The following KIF18A variants were observed in gnomAD, a reference collection of about 807,000 sequenced individuals.
KIF18A encodes the protein kinesin family member 18A.
KIF18A carries 67 observed loss-of-function variants against 103.3 expected under a neutral mutation model. The observed-to-expected ratio is 0.65, with a 90% CI of 0.53 to 0.79. KIF18A has a LOEUF of 0.79. KIF18A is among the 30% of genes least tolerant of loss of function. KIF18A has a pLI of 0.00. For missense variants in KIF18A, 1,032 were observed against 1,062.5 expected, an observed-to-expected ratio of 0.97 and a Z score of 0.40; for synonymous variants, 367 against 355.5, an observed-to-expected ratio of 1.03 and a Z score of -0.36.
rs557908726 is a variant in KIF18A, at chr11:28,090,218, C to G, written c.699+399G>C. ...CTGAATCATACTTCCTTAAGGAATG[C>G]GACTATTTACATGGTCCTTATGGTG... On this transcript the variant is annotated intron_variant, in intron 5 of 16. Coordinates refer to ENST00000263181, the MANE Select transcript of KIF18A (RefSeq NM_031217.4). 2.6e-5 allele frequency among the ~76,000 whole-genome samples: 4 copies of G among 152,204 alleles called. No individual in the cohort carries two copies. The East Asian group carries it at 7.7e-4, about 29-fold the overall frequency.
At chr11:28,033,294 G>A (rs1272839134) in intron 15 of KIF18A, among the ~76,000 whole-genome samples, 1 of 151,452 alleles carries the variant, frequency 6.6e-6, no homozygotes, top group South Asian at 2.1e-4. Context: ...ATAAAGAAAA[G>A]TTTGAAGAGT....
intron 10 of KIF18A, among the ~76,000 whole-genome samples, chr11:28,071,222 A>G (rs911450757): frequency 1.3e-5 from 2 of 152,302 alleles, no homozygotes; most frequent in East Asian, 3.9e-4. Context: ...GTCTTTTAAA[A>G]TTCTTGTTTG....
chr11:28,079,836 C>A (rs1009959229), intron 9 of KIF18A, among the ~76,000 whole-genome samples: 2 of 151,996 alleles, frequency 1.3e-5, no homozygotes, highest in African/African-American at 4.8e-5. Context: ...ACATCTTGAT[C>A]CAGTGTCTCA....
intron 10 of KIF18A, among the ~76,000 whole-genome samples, chr11:28,074,719 A>C (rs1851067212): frequency 6.6e-6 from 1 of 152,150 alleles, no homozygotes; most frequent in African/African-American, 2.4e-5. Flanking sequence ...GACATTAAGA[A>C]ATGCAAAATT....
chr11:28,101,222 G>C (rs1458202270), intron 1 of KIF18A, among the ~76,000 whole-genome samples: 1 of 152,100 alleles, frequency 6.6e-6, no homozygotes, highest in East Asian at 1.9e-4. Context: ...AAGGCCAGCA[G>C]TGTCCCATAT....
chr11:28,087,187 A>G (rs1851239529), intron 6 of KIF18A, among the ~76,000 whole-genome samples: 1 of 152,272 alleles, frequency 6.6e-6, no homozygotes, highest in Middle Eastern at 3.4e-3. Context: ...ATCAACCTGT[A>G]ATCTACATTA....
intron 13 of KIF18A, among the ~76,000 whole-genome samples, chr11:28,038,464 G>A (rs1231196117): frequency 1.3e-5 from 2 of 151,544 alleles, no homozygotes; most frequent in Admixed American, 1.3e-4. Flanking sequence ...AAACTATTAC[G>A]TGTATTTCCA....
chr11:28,026,180 A>G (rs1414683316), intron 15 of KIF18A, among the ~76,000 whole-genome samples: 1 of 151,880 alleles, frequency 6.6e-6, no homozygotes, highest in Admixed American at 6.6e-5. Context: ...AAAATCTAAT[A>G]TACTCAATTA....
At chr11:28,058,489 G>GAAAAA (rs34177202) in intron 13 of KIF18A, among the ~76,000 whole-genome samples, 3 of 54,246 alleles carry the variant, frequency 5.5e-5, no homozygotes, top group African/African-American at 1.6e-4. Context: ...GTTTCTACAG[G>GAAAAA]AAAAAAAAAA....
At chr11:28,021,345 T>C in intron 16 of KIF18A, 63 bp from the exon 17 acceptor site, 4 of 1,183,348 alleles carry the variant, frequency 3.4e-6, no homozygotes, top group Non-Finnish European at 4.3e-6. Context: ...GTTTTCATCG[T>C]TCAACTTATA....
At chr11:28,101,727 T>C (rs1851448134) in intron 1 of KIF18A, among the ~76,000 whole-genome samples, 1 of 152,148 alleles carries the variant, frequency 6.6e-6, no homozygotes, top group Admixed American at 6.5e-5. Flanking sequence ...GACACAAACA[T>C]GTAAAGGTAT....
At chr11:28,088,767 A>C in intron 5 of KIF18A, 46 bp from the exon 6 acceptor site, 1 of 1,459,298 alleles carries the variant, frequency 6.9e-7, no homozygotes, top group Non-Finnish European at 9.5e-7. Flanking sequence ...AAGATTTAAC[A>C]AAATTAAAAG....
chr11:28,102,385 T>G lies in KIF18A; in HGVS notation c.-46-4392A>C, dbSNP rs536901988. Among the ~76,000 whole-genome samples the G allele has an allele frequency of 7.2e-5, 11 of 152,268 alleles. 1 individual carries two copies. In the South Asian group the frequency reaches 2.3e-3, roughly 32 times the overall value. ...ATAGCTTGGAAGCCCCCGCTTTGAG[T>G]TGTCCCGCCTTTCTGAACCAAACCA... On this transcript the variant is annotated intron_variant, in intron 1 of 16. Coordinates refer to ENST00000263181, the MANE Select transcript of KIF18A (RefSeq NM_031217.4).
At chr11:28,066,984 A>G (rs1288634436) in intron 11 of KIF18A, among the ~76,000 whole-genome samples, 4 of 151,802 alleles carry the variant, frequency 2.6e-5, no homozygotes, top group Non-Finnish European at 4.4e-5. Flanking sequence ...TTTTGAATGT[A>G]GCACTCCACT....
At chr11:28,106,207 C>T (rs1296976290) in intron 1 of KIF18A, among the ~76,000 whole-genome samples, 1 of 152,082 alleles carries the variant, frequency 6.6e-6, no homozygotes, top group African/African-American at 2.4e-5. Context: ...AACTCCTTAA[C>T]GGGTACAAAT....
Position 28,097,671 on chromosome 11 carries a change from T to C in KIF18A, c.277A>G (p.Thr93Ala), listed in dbSNP as rs1331062044. ...TSTQSEVFEH[T>A]TKPILRSFLN... Reference sequence around the variant, plus strand: ...AAACTACGAAGAATTGGCTTAGTAGTGTGTTCAAAAACTTCTGACTGAGTT... The same window carrying C: ...AAACTACGAAGAATTGGCTTAGTAGCGTGTTCAAAAACTTCTGACTGAGTT... Residue 93 changes from threonine to alanine, a missense_variant, in exon 2 of 17, where the codon ACT becomes GCT. Physicochemically the swap from Thr to Ala is moderately conservative, Grantham distance 58. Transcript: ENST00000263181. The C allele has an allele frequency of 1.2e-6, 2 of 1,611,656 alleles. No homozygotes were observed. Among genetic ancestry groups the C allele is most frequent in the South Asian group, 1.1e-5 (1 of 90,924 alleles).
chr11:28,059,165 T>C lies in KIF18A; in HGVS notation c.1713-4A>G, dbSNP rs779338791. On this transcript the variant is annotated splice_region_variant and splice_polypyrimidine_tract_variant and intron_variant, in intron 12 of 16. Transcript: ENST00000263181. ...TGGAAGTAAAGCATTCAATACTCTATATACAGAAGATGAGAAGAAAGGAGA... is the reference window on the plus strand; with the variant it reads ...TGGAAGTAAAGCATTCAATACTCTACATACAGAAGATGAGAAGAAAGGAGA... The C allele has an allele frequency of 6.3e-6, 10 of 1,576,840 alleles. No individual in the cohort carries two copies. The highest frequency in any genetic ancestry group is 3.4e-5 in the Admixed American group (2 of 59,376).
chr11:28,063,110 T>C (rs879771691), intron 11 of KIF18A, among the ~76,000 whole-genome samples: 25 of 152,064 alleles, frequency 1.6e-4, no homozygotes, highest in Admixed American at 3.3e-4. Flanking sequence ...ATGGTTGATA[T>C]CACCTTTGGT....
At chr11:28,065,806 T>C (rs1850912632) in intron 11 of KIF18A, among the ~76,000 whole-genome samples, 1 of 152,030 alleles carries the variant, frequency 6.6e-6, no homozygotes, top group Non-Finnish European at 1.5e-5. Context: ...AAACATATAA[T>C]ACAAGCATAA....
Sources: allele counts gnomAD v4.1 joint callset (sites outside exome capture counted in the v4.1 genomes callset), GRCh38; gene constraint gnomAD v4.1.1; transcripts MANE v1.5; gene names NCBI Gene and HGNC (gene_info 2026-07-23, HGNC 2026-07-21).